Variants in C3orf52 observed in about 807,000 individuals in gnomAD.
C3orf52 encodes TPA-induced transmembrane protein.
In C3orf52, 22 loss-of-function variants were observed where a neutral mutation model predicts 24.8. The observed-to-expected ratio is 0.89, with a 90% CI of 0.63 to 1.27. The LOEUF is 1.27. C3orf52 is among the 50% of genes most tolerant of loss of function. The pLI, the probability that C3orf52 is intolerant of heterozygous loss-of-function variation, is 0.00. For missense variants in C3orf52, 265 were observed against 260.7 expected (o/e 1.02, Z -0.11); for synonymous variants, 93 against 100.2 (o/e 0.93, Z 0.43).
chr3:112,102,979 A>G lies in C3orf52; in HGVS notation c.396+14A>G, dbSNP rs1271800857. 1.2e-6 allele frequency: 2 copies of G among 1,611,056 alleles called. No homozygotes were observed. Among genetic ancestry groups the G allele is most frequent in the East Asian group, 2.2e-5 (1 of 44,856 alleles). ...CTCACCGAAAGGGTAATTCCATCTTATATATTGCCTAAGGAGTTCTTGACA... is the reference window on the plus strand; with the variant it reads ...CTCACCGAAAGGGTAATTCCATCTTGTATATTGCCTAAGGAGTTCTTGACA... On this transcript the variant is annotated intron_variant, in intron 3 of 5. Transcript: ENST00000264848.
At chr3:112,095,121 A>G (rs899427633) in intron 2 of C3orf52, among the ~76,000 whole-genome samples, 1 of 152,218 alleles carries the variant, frequency 6.6e-6, no homozygotes, top group Non-Finnish European at 1.5e-5. Context: ...GCCAGGCACC[A>G]TATCTACGTA....
chr3:112,116,668 T>A lies in C3orf52; in HGVS notation c.*22T>A. 1.9e-6 allele frequency: 3 copies of A among 1,594,870 alleles called. No individual in the cohort carries two copies. The highest frequency in any genetic ancestry group is 2.6e-6 in the Non-Finnish European group (3 of 1,169,712). ...ATGAAGTGATGGAGGCTGGTCTCTG[T>A]CTGAAAGCAGTGCTCTACCAAGTCC... On this transcript the variant is annotated 3_prime_UTR_variant, in exon 6 of 6. Transcript: ENST00000264848.
At chr3:112,096,160 G>A (rs1207443977) in intron 2 of C3orf52, among the ~76,000 whole-genome samples, 1 of 152,192 alleles carries the variant, frequency 6.6e-6, no homozygotes, top group East Asian at 1.9e-4. Context: ...CTTGGAGGCG[G>A]AAGTGTTAAC....
downstream of C3orf52, chr3:112,119,426 G>T: frequency 1.4e-6 from 1 of 702,164 alleles, no homozygotes; most frequent in South Asian, 1.5e-5. Flanking sequence ...CGGGTGGTCA[G>T]AGAAAAGAGT....
chr3:112,093,442 T>C lies in C3orf52; in HGVS notation c.221T>C (p.Phe74Ser), dbSNP rs2073897348. 1 of 1,613,718 alleles carries C rather than the reference T, an allele frequency of 6.2e-7. No individual in the cohort carries two copies. Among genetic ancestry groups the C allele is most frequent in the Admixed American group, 1.7e-5 (1 of 60,010 alleles). ...CKLWMIITSIFLGVITVIIIG... is the reference protein window; with the variant it reads ...CKLWMIITSISLGVITVIIIG... ...CTGTGGATGATCATCACCTCCATTTTCCTAGGTGTCATTACAGTGATCATC... is the reference window on the plus strand; with the variant it reads ...CTGTGGATGATCATCACCTCCATTTCCCTAGGTGTCATTACAGTGATCATC... Residue 74 changes from phenylalanine to serine, a missense_variant, in exon 2 of 6, where the codon TTC becomes TCC. Phe to Ser is a radical substitution (Grantham distance 155). Coordinates refer to ENST00000264848, the MANE Select transcript of C3orf52 (RefSeq NM_024616.3).
At chr3:112,114,643 G>T (rs1015111756) in intron 5 of C3orf52, among the ~76,000 whole-genome samples, 3 of 152,102 alleles carry the variant, frequency 2.0e-5, no homozygotes. Flanking sequence ...GGCAGAGGTT[G>T]CGGTGAGCCG....
At chr3:112,132,367 A>G (rs890443533), downstream of C3orf52, among the ~76,000 whole-genome samples, 4 of 152,018 alleles carry the variant, frequency 2.6e-5, no homozygotes, top group African/African-American at 7.3e-5. Context: ...AGATCACCCC[A>G]CTTTATACCC....
chr3:112,094,712 T>C (rs73856370), intron 2 of C3orf52, among the ~76,000 whole-genome samples: 61 of 152,360 alleles, frequency 4.0e-4, no homozygotes, highest in African/African-American at 1.4e-3. Flanking sequence ...TTTTTAATGA[T>C]TATTAGTATT....
chr3:112,096,068 A>G (rs183548065), intron 2 of C3orf52, among the ~76,000 whole-genome samples: 24 of 152,312 alleles, frequency 1.6e-4, no homozygotes, highest in Admixed American at 1.4e-3. Context: ...CTCAGGAACT[A>G]TATTTGCCAT....
At chr3:112,099,819 T>C (rs1220698780) in intron 2 of C3orf52, among the ~76,000 whole-genome samples, 1 of 152,240 alleles carries the variant, frequency 6.6e-6, no homozygotes, top group Middle Eastern at 3.2e-3. Context: ...TCCTTGGTAG[T>C]GTCTTGATAG....
downstream of C3orf52, among the ~76,000 whole-genome samples, chr3:112,132,222 C>G (rs143608238): frequency 3.5e-3 from 532 of 152,220 alleles, 13 homozygotes; most frequent in Admixed American, 0.026. Context: ...ACAGGACCAC[C>G]AATCCTCTTT....
At chr3:112,104,393 C>T (rs2074005813) in intron 3 of C3orf52, among the ~76,000 whole-genome samples, 1 of 152,130 alleles carries the variant, frequency 6.6e-6, no homozygotes, top group Admixed American at 6.5e-5. Flanking sequence ...TCTGCCATTG[C>T]TAGGTTGAAT....
In C3orf52 at chr3:112,093,492, A is replaced by G. The variant is rs2073897940; in HGVS notation, c.268+3A>G. 6.2e-7 allele frequency: 1 copy of G among 1,612,458 alleles called. No individual in the cohort carries two copies. Among genetic ancestry groups the G allele is most frequent in the Middle Eastern group, 1.7e-4 (1 of 6,056 alleles). ...CATAGGCTTATGTCTTGCTGCAGGT[A>G]AGAGGATTTAGATGTGAATAAATAA... On this transcript the variant is annotated splice_donor_region_variant and intron_variant, in intron 2 of 5. Transcript: ENST00000264848.
chr3:112,128,120 T>A, intron 4 of C3orf52: 1 of 1,494,014 alleles, frequency 6.7e-7, no homozygotes, highest in East Asian at 2.3e-5. Context: ...TTTGTTAAGG[T>A]GACTCCTTTC....
At chr3:112,100,454 T>C (rs1362983971) in intron 2 of C3orf52, among the ~76,000 whole-genome samples, 5 of 152,240 alleles carry the variant, frequency 3.3e-5, no homozygotes, top group Non-Finnish European at 7.3e-5. Flanking sequence ...GTTACTATTG[T>C]TATTATTTTG....
chr3:112,105,225 T>C (rs340172), intron 3 of C3orf52, among the ~76,000 whole-genome samples: 63,668 of 152,010 alleles, frequency 0.42, 13,833 homozygotes, highest in African/African-American at 0.55. Context: ...TCTCTGTGTA[T>C]CTCAGGTGCA....
chr3:112,086,627 G>C, intron 1 of C3orf52, 82 bp downstream of exon 1: 2 of 1,485,416 alleles, frequency 1.3e-6, no homozygotes, highest in Non-Finnish European at 1.8e-6. Context: ...CGAGTTTCGG[G>C]TTTCCAGTCA....
chr3:112,127,138 C>A (rs891887615), intron 4 of C3orf52: 2 of 681,966 alleles, frequency 2.9e-6, no homozygotes, highest in South Asian at 1.9e-5. Context: ...AAGTTATATA[C>A]CTTTTATAAT....
At chr3:112,119,159 G>T (rs1356752990), downstream of C3orf52, among the ~76,000 whole-genome samples, 1 of 152,172 alleles carries the variant, frequency 6.6e-6, no homozygotes, top group African/African-American at 2.4e-5. Context: ...GAGGCAGGCA[G>T]ATCACCTGAG....
Sources: gnomAD v4.1 joint callset for allele counts (sites outside exome capture counted in the v4.1 genomes callset) on GRCh38, gnomAD v4.1.1 for gene constraint, MANE v1.5 for transcripts, NCBI Gene and HGNC (gene_info 2026-07-23, HGNC 2026-07-21) for gene names.